The following GNL2 variants were observed in gnomAD, a reference collection of about 807,000 sequenced individuals.
GNL2 encodes G protein nucleolar 2.
GNL2 carries 51 observed loss-of-function variants against 92.3 expected under a neutral mutation model. The observed-to-expected ratio is 0.55, with a 90% CI of 0.44 to 0.70. The LOEUF (loss-of-function observed/expected upper bound fraction) is 0.70, where lower values mean the gene tolerates loss of function less well. Among genes scored for constraint, GNL2 ranks in the 30% least tolerant of loss-of-function variants. The pLI is 0.00. For synonymous variants in GNL2, 283 were observed against 300.6 expected, an observed-to-expected ratio of 0.94 and a Z score of 0.61; for missense variants, 844 against 895.6, an observed-to-expected ratio of 0.94 and a Z score of 0.74.
chr1:37,578,030 C>G (rs1360765416), intron 8 of GNL2, among the ~76,000 whole-genome samples: 1 of 152,122 alleles, frequency 6.6e-6, no homozygotes, highest in African/African-American at 2.4e-5. Flanking sequence ...CTCTAGCAGC[C>G]AGGATTCTAT....
intron 8 of GNL2, among the ~76,000 whole-genome samples, chr1:37,579,313 C>T (rs926445154): frequency 3.3e-5 from 5 of 151,888 alleles, no homozygotes; most frequent in African/African-American, 4.8e-5. Context: ...TCTGGGAGGC[C>T]GAGGGGGGCG....
chr1:37,583,021 T>C (rs1268155954), intron 6 of GNL2, 85 bp from the exon 7 acceptor site: 5 of 895,012 alleles, frequency 5.6e-6, no homozygotes, highest in Non-Finnish European at 8.3e-6. Context: ...AAAAATAAAA[T>C]AATAATATTT....
At chr1:37,568,795 C>A in intron 13 of GNL2, 56 bp downstream of exon 13, 1 of 1,366,962 alleles carries the variant, frequency 7.3e-7, no homozygotes. Flanking sequence ...GTACTCATGG[C>A]AAATTTTTGG....
At chr1:37,583,818 C>T in intron 6 of GNL2, 49 bp downstream of exon 6, 1 of 1,077,096 alleles carries the variant, frequency 9.3e-7, no homozygotes, top group Non-Finnish European at 1.4e-6. Context: ...TCTACAAAAT[C>T]ATGAAAGCCC....
chr1:37,577,121 AG>A (rs1643690414), intron 8 of GNL2, among the ~76,000 whole-genome samples: 1 of 151,828 alleles, frequency 6.6e-6, no homozygotes, highest in Non-Finnish European at 1.5e-5. Flanking sequence ...AAAAAAAAAA[AG>A]AAACAAAAGA....
In GNL2 at chr1:37,590,695, C is replaced by T. The variant is rs1423890500; in HGVS notation, c.384+11G>A. ...AGGAAATTCCATCACCAGGGATATC[C>T]TACATCTTACATGAGGCCGGATTCG... is the stretch of plus-strand genomic sequence containing the variant. On this transcript the variant is annotated intron_variant, in intron 4 of 15. Transcript: ENST00000373062. 5 of 1,610,560 alleles carry T rather than the reference C, an allele frequency of 3.1e-6. No homozygotes were observed. The South Asian group carries it at 4.4e-5, about 14-fold the overall frequency.
chr1:37,571,051 T>A (rs1643586924), intron 12 of GNL2, among the ~76,000 whole-genome samples: 1 of 152,176 alleles, frequency 6.6e-6, no homozygotes, highest in Non-Finnish European at 1.5e-5. Context: ...TATACATACA[T>A]TTTTCTAGGA....
rs1443076873 is a variant in GNL2, at chr1:37,574,818, T to C, written c.1149A>G (p.Gln383=). 6.2e-7 allele frequency: 1 copy of C among 1,608,524 alleles called. No individual in the cohort carries two copies. The highest frequency in any genetic ancestry group is 1.1e-5 in the South Asian group (1 of 90,106). ...CTTCAGGACTCTTAATTTTTTCTAC[T>C]TGAACCTAAATGTTAATAGGAAATC... ...ETDIVLKGVV[Q]VEKIKSPEDH... Residue 383 remains glutamine (Q), a synonymous_variant, in exon 11 of 16, where the codon CAA becomes CAG. Coordinates refer to ENST00000373062, the MANE Select transcript of GNL2 (RefSeq NM_013285.3).
chr1:37,581,741 G>A (rs34998562), intron 8 of GNL2, among the ~76,000 whole-genome samples: 8,081 of 150,520 alleles, frequency 0.054, 274 homozygotes, highest in South Asian at 0.14. Context: ...CTCGGCTCAC[G>A]GCAAACTCCG....
chr1:37,568,179 T>A, intron 14 of GNL2, 96 bp downstream of exon 14: 1 of 741,288 alleles, frequency 1.3e-6, no homozygotes, highest in Admixed American at 2.3e-5. Flanking sequence ...CAAACATTTA[T>A]GTGGATGACT....
intron 8 of GNL2, among the ~76,000 whole-genome samples, chr1:37,577,252 T>C (rs1643692982): frequency 6.6e-6 from 1 of 152,142 alleles, no homozygotes; most frequent in Admixed American, 6.5e-5. Context: ...CCCCCCCTTT[T>C]CTTTGCATAA....
chr1:37,593,450 C>G (rs1319177479), intron 2 of GNL2: 1 of 281,544 alleles, frequency 3.6e-6, no homozygotes, highest in Non-Finnish European at 6.6e-6. Flanking sequence ...AACTACAGTC[C>G]TGTAGGTTTT....
At position 37,586,928 on chromosome 1, in the gene GNL2, T is replaced by C. The variant is rs556628373; in HGVS notation, c.569+383A>G. ...ACAGGCAAAATAAGTTGAAAGAAAA[T>C]GTTTTGTTGCAGAAGAGCAAATGAT... is the stretch of plus-strand genomic sequence containing the variant. On this transcript the variant is annotated intron_variant, in intron 5 of 15. Transcript: ENST00000373062. Among the ~76,000 whole-genome samples, 9 of 152,192 alleles carry C rather than the reference T, an allele frequency of 5.9e-5. No individual in the cohort carries two copies. In the East Asian group the frequency reaches 1.5e-3, roughly 26 times the overall value.
At chr1:37,576,640 C>CT in intron 8 of GNL2, 84 bp from the exon 9 acceptor site, 2 of 1,372,492 alleles carry the variant, frequency 1.5e-6, no homozygotes, top group East Asian at 4.7e-5. Context: ...TTGTTAATAT[C>CT]AAGAATACAG....
chr1:37,595,246 CTT>C (rs1356729447), intron 1 of GNL2, among the ~76,000 whole-genome samples: 2 of 152,216 alleles, frequency 1.3e-5, no homozygotes, highest in South Asian at 4.1e-4. Context: ...CTCGCCAAAA[CTT>C]ACACACATCT....
chr1:37,578,985 C>T (rs958143948), intron 8 of GNL2, among the ~76,000 whole-genome samples: 1 of 152,004 alleles, frequency 6.6e-6, no homozygotes, highest in Non-Finnish European at 1.5e-5. Flanking sequence ...TAAGACAGAA[C>T]AAGACCCTGT....
At chr1:37,587,965 A>C (rs931108058) in intron 4 of GNL2, among the ~76,000 whole-genome samples, 4 of 152,212 alleles carry the variant, frequency 2.6e-5, no homozygotes, top group Admixed American at 1.3e-4. Flanking sequence ...ACCAACTGTA[A>C]ATGCCAACTT....
rs1486525586 is a variant in GNL2, at chr1:37,590,721, A to G, written c.369T>C (p.Asp123=). The G allele has an allele frequency of 6.2e-7, 1 of 1,613,734 alleles. No individual in the cohort carries two copies. The highest frequency in any genetic ancestry group is 8.5e-7 in the Non-Finnish European group (1 of 1,179,604). The stretch of plus-strand genomic sequence containing the variant: ...TACATCTTACATGAGGCCGGATTCG[A>G]TCATGGAGAAGAGACATTGGTAACT... The part of the protein sequence containing the change: ...QSKLPMSLLH[D]RIRPHNLKVH... Residue 123 remains aspartate, a synonymous_variant, in exon 4 of 16, where the codon GAT becomes GAC. Coordinates refer to ENST00000373062, the MANE Select transcript of GNL2 (RefSeq NM_013285.3).
chr1:37,574,911 T>G (rs543770602), intron 10 of GNL2, 88 bp from the exon 11 acceptor site: 3 of 924,778 alleles, frequency 3.2e-6, no homozygotes, highest in South Asian at 1.5e-5. Context: ...TATTTGAAAA[T>G]AGACTTCAAC....
Sources: gnomAD v4.1 joint callset for allele counts (sites outside exome capture counted in the v4.1 genomes callset) on GRCh38, gnomAD v4.1.1 for gene constraint, MANE v1.5 for transcripts, NCBI Gene and HGNC (gene_info 2026-07-23, HGNC 2026-07-21) for gene names.